The following MAPK10 variants were observed in gnomAD, a reference collection of about 807,000 sequenced individuals.
The protein encoded by MAPK10 is JNK3 alpha protein kinase.
Under a neutral mutation model 59.3 loss-of-function variants are expected in MAPK10, and 25 were observed. The observed-to-expected ratio is 0.42, with a 90% CI of 0.31 to 0.59. The LOEUF is 0.59. MAPK10 is among the 20% of genes least tolerant of loss of function. The probability of loss-of-function intolerance (pLI) is 0.15; values close to 1 mark genes in which losing one functional copy is unlikely to be tolerated. For synonymous variants in MAPK10, 190 were observed against 200.5 expected, an observed-to-expected ratio of 0.95 and a Z score of 0.44; for missense variants, 351 against 568.9, an observed-to-expected ratio of 0.62 and a Z score of 3.90.
intron 11 of MAPK10, among the ~76,000 whole-genome samples, chr4:86,057,407 T>C (rs1255634644): frequency 2.0e-5 from 3 of 150,232 alleles, no homozygotes; most frequent in Admixed American, 2.0e-4. Context: ...TCAAGGGACA[T>C]AGGATTTCAG....
chr4:86,019,346 T>A (rs1745124193), intron 13 of MAPK10, among the ~76,000 whole-genome samples: 3 of 152,212 alleles, frequency 2.0e-5, no homozygotes, highest in African/African-American at 7.2e-5. Context: ...TTTCTAATCT[T>A]AAATGTCTCT....
chr4:86,199,707 T>G (rs2082182332), intron 2 of MAPK10, among the ~76,000 whole-genome samples: 1 of 151,996 alleles, frequency 6.6e-6, no homozygotes, highest in African/African-American at 2.4e-5. Context: ...AAACATTATT[T>G]AAGCATATGA....
intron 2 of MAPK10, among the ~76,000 whole-genome samples, chr4:86,207,799 CT>C (rs1182624779): frequency 6.6e-6 from 1 of 152,046 alleles, no homozygotes; most frequent in African/African-American, 2.4e-5. Context: ...CTTTTATTCT[CT>C]TTGAAGCAAT....
chr4:86,407,903 C>CT (rs1038454627), intron 1 of MAPK10, among the ~76,000 whole-genome samples: 3 of 151,522 alleles, frequency 2.0e-5, no homozygotes, highest in South Asian at 2.1e-4. Flanking sequence ...AATTTATTTT[C>CT]TTTTTTTATT....
rs550429583 is a variant in MAPK10 at position 86,378,053 on chromosome 4, A to G, written c.-121-23409T>C. ...ACTCTCACAGACACACCCAGGATCA[A>G]TACTTTGTATCCTTCAATCCAATCA... On this transcript the variant is annotated intron_variant, in intron 1 of 13. Coordinates refer to the MAPK10 transcript ENST00000361569. 1.9e-4 allele frequency among the ~76,000 whole-genome samples: 29 copies of G among 152,278 alleles called. 2 individuals are homozygous for G. The East Asian group carries it at 3.7e-3, about 19-fold the overall frequency.
intron 1 of MAPK10, among the ~76,000 whole-genome samples, chr4:86,410,206 G>T (rs1215884422): frequency 6.6e-6 from 1 of 152,122 alleles, no homozygotes; most frequent in African/African-American, 2.4e-5. Flanking sequence ...ATGATGTTTA[G>T]TGATTTGCAT....
chr4:86,541,083 G>C (rs1194037658), intron 1 of MAPK10, among the ~76,000 whole-genome samples: 1 of 152,160 alleles, frequency 6.6e-6, no homozygotes, highest in Non-Finnish European at 1.5e-5. Context: ...GGGGCTGAGA[G>C]AGGCTCCTAC....
chr4:86,307,906 T>C (rs1459474358), intron 2 of MAPK10, among the ~76,000 whole-genome samples: 2 of 152,116 alleles, frequency 1.3e-5, no homozygotes, highest in Admixed American at 1.3e-4. Flanking sequence ...CACACAACTG[T>C]TGTCTAAGTC....
chr4:86,067,775 T>C lies in MAPK10; in HGVS notation c.983A>G (p.Lys328Arg). Residue 328 changes from lysine (K) to arginine (R), a missense_variant and splice_region_variant, in exon 10 of 14, where the codon AAA becomes AGA. Physicochemically the swap from Lys to Arg is conservative, Grantham distance 26. Coordinates refer to ENST00000641462, the MANE Select transcript of MAPK10 (RefSeq NM_138982.4). ...CAAGTCATTCCTGAAGGGCATACCT[T>C]TGAGTTTATTGTGCTCGGAGTCCGC... is the stretch of plus-strand genomic sequence containing the variant. ...FPADSEHNKLKASQARDLLSK... is the reference protein window; with the variant it reads ...FPADSEHNKLRASQARDLLSK... 1 of 1,609,128 alleles carries C rather than the reference T, an allele frequency of 6.2e-7. No homozygotes were observed. Among genetic ancestry groups the C allele is most frequent in the Non-Finnish European group, 8.5e-7 (1 of 1,177,414 alleles).
intron 1 of MAPK10, among the ~76,000 whole-genome samples, chr4:86,499,673 C>T (rs1331948653): frequency 6.6e-6 from 1 of 152,180 alleles, no homozygotes; most frequent in African/African-American, 2.4e-5. Context: ...CTATTCTCTT[C>T]TTTTTCCTTA....
At chr4:86,470,871 G>A (rs1752598046) in intron 1 of MAPK10, among the ~76,000 whole-genome samples, 1 of 152,076 alleles carries the variant, frequency 6.6e-6, no homozygotes, top group East Asian at 1.9e-4. Flanking sequence ...CAAAAGTCAG[G>A]TGACTCAAAA....
intron 1 of MAPK10, among the ~76,000 whole-genome samples, chr4:86,509,478 C>A (rs1169540295): frequency 1.6e-4 from 23 of 147,102 alleles, no homozygotes; most frequent in African/African-American, 2.2e-4. Context: ...AAAAAACAAA[C>A]AAAAAAAAAC....
In MAPK10 at chr4:86,115,153, G is replaced by A. The variant is rs537741191; in HGVS notation, c.237-7801C>T. On this transcript the variant is annotated intron_variant, in intron 4 of 13. Transcript: ENST00000641462. ...ACCCAAGCAGGTGGCACAGCTCTGTGCCTGGAACCAAAGGCCTTGGTGATG... is the reference window on the plus strand; with the variant it reads ...ACCCAAGCAGGTGGCACAGCTCTGTACCTGGAACCAAAGGCCTTGGTGATG... 1.1e-4 allele frequency among the ~76,000 whole-genome samples: 16 copies of A among 152,326 alleles called. No homozygotes were observed. In the East Asian group the frequency reaches 3.1e-3, roughly 29 times the overall value.
At chr4:86,486,119 T>C (rs927976345) in intron 1 of MAPK10, among the ~76,000 whole-genome samples, 13 of 152,196 alleles carry the variant, frequency 8.5e-5, no homozygotes, top group African/African-American at 2.9e-4. Context: ...ATTAACTGTA[T>C]TTTATTAAAT....
chr4:86,343,821 CA>C (rs1726508987), intron 2 of MAPK10, among the ~76,000 whole-genome samples: 1 of 152,014 alleles, frequency 6.6e-6, no homozygotes, highest in Non-Finnish European at 1.5e-5. Flanking sequence ...ACCAGATTGG[CA>C]AAAGTGTAAA....
chr4:86,478,566 T>C (rs1050472938), intron 1 of MAPK10, among the ~76,000 whole-genome samples: 19 of 152,206 alleles, frequency 1.2e-4, no homozygotes, highest in African/African-American at 4.1e-4. Context: ...ATATACTTTC[T>C]GCTCCCCGGC....
At chr4:86,216,728 C>T (rs1177873427) in intron 2 of MAPK10, among the ~76,000 whole-genome samples, 1 of 151,720 alleles carries the variant, frequency 6.6e-6, no homozygotes, top group African/African-American at 2.4e-5. Flanking sequence ...TAAATTATGA[C>T]ACAGATACAT....
intron 1 of MAPK10, among the ~76,000 whole-genome samples, chr4:86,523,141 A>G (rs182584761): frequency 1.3e-5 from 2 of 152,266 alleles, no homozygotes; most frequent in East Asian, 3.9e-4. Context: ...CTTTATTATT[A>G]TTACCTTTAT....
chr4:86,285,038 G>A (rs1454190204), intron 2 of MAPK10, among the ~76,000 whole-genome samples: 1 of 152,128 alleles, frequency 6.6e-6, no homozygotes. Flanking sequence ...TCTAGCAGAA[G>A]TAAATAAGCA....
Sources: gnomAD v4.1 joint callset for allele counts (sites outside exome capture counted in the v4.1 genomes callset) on GRCh38, gnomAD v4.1.1 for gene constraint, MANE v1.5 for transcripts, NCBI Gene and HGNC (gene_info 2026-07-23, HGNC 2026-07-21) for gene names.